PTPRM: variants seen among roughly 807,000 people sequenced by gnomAD.
The protein encoded by PTPRM is protein tyrosine phosphatase receptor type M, also known as receptor-type tyrosine-protein phosphatase mu.
In PTPRM, 47 loss-of-function variants were observed where a neutral mutation model predicts 186.7. The ratio of observed to expected loss-of-function variants is 0.25; its 90% CI spans 0.20 to 0.32. PTPRM has a LOEUF of 0.32. Among genes scored for constraint, PTPRM ranks in the 10% least tolerant of loss-of-function variants. PTPRM has a pLI of 1.00. For missense variants in PTPRM, 1,494 were observed against 1,865.0 expected (o/e 0.80, Z 3.66); for synonymous variants, 668 against 674.9 (o/e 0.99, Z 0.16).
chr18:7,792,048 A>G (rs1004430252), intron 2 of PTPRM, among the ~76,000 whole-genome samples: 8 of 152,338 alleles, frequency 5.3e-5, no homozygotes, highest in African/African-American at 1.9e-4. Flanking sequence ...TAAAGCAAAT[A>G]TCATTGAATA....
chr18:7,722,244 C>A (rs1168485327), intron 1 of PTPRM, among the ~76,000 whole-genome samples: 1 of 152,196 alleles, frequency 6.6e-6, no homozygotes, highest in Non-Finnish European at 1.5e-5. Context: ...TTGTTGGAAT[C>A]ATACAGTGTA....
At chr18:7,947,844 G>A (rs117917626) in intron 5 of PTPRM, among the ~76,000 whole-genome samples, 4 of 152,092 alleles carry the variant, frequency 2.6e-5, no homozygotes, top group Admixed American at 6.6e-5. Flanking sequence ...CCTGGCCATC[G>A]TTTCTGATTA....
At chr18:7,670,755 CTT>C (rs1413997495) in intron 1 of PTPRM, among the ~76,000 whole-genome samples, 3 of 151,950 alleles carry the variant, frequency 2.0e-5, no homozygotes, top group Non-Finnish European at 2.9e-5. Context: ...GGAGTTATAT[CTT>C]AGACTTTCTC....
chr18:8,157,333 C>T (rs1029010887), intron 14 of PTPRM, among the ~76,000 whole-genome samples: 15 of 152,190 alleles, frequency 9.9e-5, no homozygotes, highest in African/African-American at 3.4e-4. Context: ...GTAGCTGCCT[C>T]TCTGGTTTCA....
chr18:8,297,933 A>G (rs970225627), intron 20 of PTPRM, among the ~76,000 whole-genome samples: 24 of 152,120 alleles, frequency 1.6e-4, no homozygotes, highest in Admixed American at 3.9e-4. Flanking sequence ...TGCTGTCCTG[A>G]GGTCTAGGGT....
At chr18:7,801,303 T>A (rs944091878) in intron 2 of PTPRM, among the ~76,000 whole-genome samples, 3 of 152,198 alleles carry the variant, frequency 2.0e-5, no homozygotes, top group African/African-American at 7.2e-5. Context: ...ATTTATTGAT[T>A]TTTTTCTTTA....
At chr18:8,358,003 T>G (rs2095572682) in intron 23 of PTPRM, among the ~76,000 whole-genome samples, 1 of 152,084 alleles carries the variant, frequency 6.6e-6, no homozygotes, top group Non-Finnish European at 1.5e-5. Flanking sequence ...AGTAATGAGG[T>G]TTCTTATATA....
chr18:7,997,135 A>G (rs75035119), intron 7 of PTPRM, among the ~76,000 whole-genome samples: 15 of 152,318 alleles, frequency 9.8e-5, no homozygotes, highest in Middle Eastern at 3.4e-3. Context: ...ACCTGATTTG[A>G]CAATATGCTA....
chr18:8,168,956 ATATTATGCATG>A (rs1245824910), intron 14 of PTPRM, among the ~76,000 whole-genome samples: 1 of 152,176 alleles, frequency 6.6e-6, no homozygotes, highest in Non-Finnish European at 1.5e-5. Context: ...ATTCACTATA[ATATTATGCATG>A]TAAGTTCTGC....
chr18:8,046,376 T>C (rs2087056112), intron 7 of PTPRM, among the ~76,000 whole-genome samples: 1 of 152,220 alleles, frequency 6.6e-6, no homozygotes, highest in South Asian at 2.1e-4. Context: ...GTTGAGAACC[T>C]GAAAGAGAAG....
At chr18:8,328,135 T>G (rs1364802924) in intron 22 of PTPRM, among the ~76,000 whole-genome samples, 1 of 152,206 alleles carries the variant, frequency 6.6e-6, no homozygotes, top group Non-Finnish European at 1.5e-5. Context: ...TTAATAAGGA[T>G]TTTTCAAAAA....
intron 2 of PTPRM, among the ~76,000 whole-genome samples, chr18:7,808,320 G>A (rs2044338168): frequency 6.6e-6 from 1 of 152,146 alleles, no homozygotes; most frequent in Admixed American, 6.5e-5. Context: ...AGCAGGGTGG[G>A]GGTGCTGGTC....
intron 1 of PTPRM, among the ~76,000 whole-genome samples, chr18:7,586,106 T>C (rs1229181286): frequency 6.6e-6 from 1 of 152,186 alleles, no homozygotes; most frequent in Non-Finnish European, 1.5e-5. Context: ...TCAGGCAAAT[T>C]GTAAGGGTAG....
At chr18:7,883,158 C>A (rs1189009131) in intron 2 of PTPRM, among the ~76,000 whole-genome samples, 1 of 152,120 alleles carries the variant, frequency 6.6e-6, no homozygotes, top group Non-Finnish European at 1.5e-5. Flanking sequence ...GTTTTGTTAT[C>A]TGAACACAAA....
At chr18:8,080,117 G>A (rs2090045527) in intron 9 of PTPRM, among the ~76,000 whole-genome samples, 1 of 152,156 alleles carries the variant, frequency 6.6e-6, no homozygotes, top group Admixed American at 6.5e-5. Flanking sequence ...GTGATGTGGA[G>A]AAATGTGTAC....
chr18:8,055,605 G>C (rs2087866575), intron 7 of PTPRM, among the ~76,000 whole-genome samples: 1 of 152,110 alleles, frequency 6.6e-6, no homozygotes, highest in Non-Finnish European at 1.5e-5. Context: ...TCTGAATCTG[G>C]TAATTTGAGT....
chr18:7,745,687 G>C (rs2144549675), intron 1 of PTPRM, among the ~76,000 whole-genome samples: 1 of 152,114 alleles, frequency 6.6e-6, no homozygotes, highest in Non-Finnish European at 1.5e-5. Flanking sequence ...TAGAAGAGAT[G>C]GTAAATCAGT....
chr18:8,195,916 A>T (rs547316698), intron 14 of PTPRM, among the ~76,000 whole-genome samples: 3 of 152,208 alleles, frequency 2.0e-5, no homozygotes, highest in Non-Finnish European at 4.4e-5. Flanking sequence ...AAAAAAATCA[A>T]TCCTCACATC....
At chr18:8,300,983 A>G (rs976649198) in intron 20 of PTPRM, among the ~76,000 whole-genome samples, 26 of 152,178 alleles carry the variant, frequency 1.7e-4, no homozygotes, top group Admixed American at 6.5e-5. Context: ...CTTTATGGGC[A>G]TAGTGAATAG....
Sources: gnomAD v4.1 joint callset for allele counts (sites outside exome capture counted in the v4.1 genomes callset) on GRCh38, gnomAD v4.1.1 for gene constraint, MANE v1.5 for transcripts, NCBI Gene and HGNC (gene_info 2026-07-23, HGNC 2026-07-21) for gene names.